The following SLC14A2 variants were observed in gnomAD, a reference collection of about 807,000 sequenced individuals.
SLC14A2 encodes the protein urea transporter 2.
SLC14A2 carries 91 observed loss-of-function variants against 104.6 expected under a neutral mutation model. That is an observed-to-expected ratio of 0.87 (90% CI 0.73 to 1.04). The LOEUF (loss-of-function observed/expected upper bound fraction) is 1.04. SLC14A2 is among the 50% of genes least tolerant of loss of function. The pLI, the probability that SLC14A2 is intolerant of heterozygous loss-of-function variation, is 0.00. For synonymous variants in SLC14A2, 476 were observed against 466.4 expected (o/e 1.02, Z -0.27); for missense variants, 1,189 against 1,156.0 (o/e 1.03, Z -0.41).
At chr18:45,529,285 C>G (rs1331486287) in intron 2 of SLC14A2, 1 of 152,278 alleles carries the variant, frequency 6.6e-6, no homozygotes, top group South Asian at 2.1e-4. Flanking sequence ...TTTTAAAAAG[C>G]AGACATCTCA....
At chr18:45,640,142 G>C (rs544265212) in intron 7 of SLC14A2, among the ~76,000 whole-genome samples, 16 of 152,224 alleles carry the variant, frequency 1.1e-4, no homozygotes, top group African/African-American at 3.4e-4. Context: ...TGGGTGTGGT[G>C]GTGGGCACCC....
In SLC14A2 at chr18:45,509,828, A is replaced by G. The variant is rs1309283338; in HGVS notation, c.-35+26506A>G. On this transcript the variant is annotated intron_variant, in intron 2 of 20. Coordinates refer to the SLC14A2 transcript ENST00000586448. Reference sequence around the variant, plus strand: ...CAGGGCCCCACACTGTGACTTCTCTATGGAATGCAGAGTTCTGTAGGTCAC... The same window carrying G: ...CAGGGCCCCACACTGTGACTTCTCTGTGGAATGCAGAGTTCTGTAGGTCAC... Among the ~76,000 whole-genome samples the G allele has an allele frequency of 2.0e-5, 3 of 152,194 alleles. No homozygotes were observed. The East Asian group carries it at 5.8e-4, about 29-fold the overall frequency.
intron 17 of SLC14A2, 92 bp downstream of exon 17, chr18:45,673,139 T>G: frequency 8.5e-7 from 1 of 1,175,014 alleles, no homozygotes; most frequent in Non-Finnish European, 1.2e-6. Context: ...ACACTCCACC[T>G]GCTGATTCCT....
intron 2 of SLC14A2, among the ~76,000 whole-genome samples, chr18:45,577,970 G>A (rs2044437898): frequency 6.6e-6 from 1 of 152,222 alleles, no homozygotes; most frequent in South Asian, 2.1e-4. Flanking sequence ...GGACATAGAG[G>A]CAGCTCACAA....
At chr18:45,324,723 A>G (rs2085217498) in intron 1 of SLC14A2, among the ~76,000 whole-genome samples, 1 of 151,376 alleles carries the variant, frequency 6.6e-6, no homozygotes, top group South Asian at 2.1e-4. Flanking sequence ...CCTGACCCTC[A>G]CCTCCATAAC....
intron 2 of SLC14A2, among the ~76,000 whole-genome samples, chr18:45,524,767 T>G (rs1003236465): frequency 1.3e-5 from 2 of 152,176 alleles, no homozygotes; most frequent in Non-Finnish European, 2.9e-5. Flanking sequence ...ATGCCTCACC[T>G]GCCTTATCTG....
At chr18:45,416,611 T>A (rs921399761) in intron 1 of SLC14A2, among the ~76,000 whole-genome samples, 1 of 152,144 alleles carries the variant, frequency 6.6e-6, no homozygotes, top group Non-Finnish European at 1.5e-5. Flanking sequence ...TGATCATTGT[T>A]GTTATTGTTA....
At chr18:45,397,496 A>G (rs1299814894) in intron 1 of SLC14A2, among the ~76,000 whole-genome samples, 1 of 152,116 alleles carries the variant, frequency 6.6e-6, no homozygotes, top group Admixed American at 6.5e-5. Flanking sequence ...TCCTTTGCCC[A>G]CTTTTTAATG....
At chr18:45,553,672 A>G (rs1483845324) in intron 2 of SLC14A2, among the ~76,000 whole-genome samples, 1 of 152,200 alleles carries the variant, frequency 6.6e-6, no homozygotes, top group Non-Finnish European at 1.5e-5. Flanking sequence ...AATATTATGT[A>G]TGTTTTAGCA....
chr18:45,424,156 C>T (rs1336284490), intron 1 of SLC14A2: 1 of 152,110 alleles, frequency 6.6e-6, no homozygotes, highest in African/African-American at 2.4e-5. Flanking sequence ...GATGGGATTT[C>T]CTGTAATAAA....
At chr18:45,465,905 GA>G (rs959354531) in intron 1 of SLC14A2, among the ~76,000 whole-genome samples, 95 of 144,942 alleles carry the variant, frequency 6.6e-4, no homozygotes, top group African/African-American at 1.9e-3. Flanking sequence ...CTGCTGGACA[GA>G]AAAAAAAAAA....
chr18:45,312,190 A>T (rs2085085584), intron 1 of SLC14A2, among the ~76,000 whole-genome samples: 1 of 152,198 alleles, frequency 6.6e-6, no homozygotes, highest in Non-Finnish European at 1.5e-5. Flanking sequence ...CTGGGTGATT[A>T]CACATACATA....
intron 1 of SLC14A2, among the ~76,000 whole-genome samples, chr18:45,246,700 G>T (rs180975592): frequency 6.6e-6 from 1 of 152,032 alleles, no homozygotes; most frequent in Non-Finnish European, 1.5e-5. Context: ...AGCCTCCCAA[G>T]TAGCTGGGAT....
At chr18:45,279,130 C>T (rs1042851274) in intron 1 of SLC14A2, among the ~76,000 whole-genome samples, 1 of 152,182 alleles carries the variant, frequency 6.6e-6, no homozygotes, top group Non-Finnish European at 1.5e-5. Flanking sequence ...TCCCCCTCAG[C>T]AGACAACTAC....
intron 1 of SLC14A2, among the ~76,000 whole-genome samples, chr18:45,451,693 A>C (rs1366650104): frequency 6.6e-6 from 1 of 152,126 alleles, no homozygotes; most frequent in Non-Finnish European, 1.5e-5. Flanking sequence ...CTGCAATTGC[A>C]CTCCAATAAA....
chr18:45,466,458 G>T (rs2087144732), intron 1 of SLC14A2, among the ~76,000 whole-genome samples: 1 of 151,384 alleles, frequency 6.6e-6, no homozygotes. Context: ...CAGCATGTGA[G>T]ATTCTTTCTG....
At chr18:45,395,448 G>C (rs1431346457) in intron 1 of SLC14A2, among the ~76,000 whole-genome samples, 1 of 152,268 alleles carries the variant, frequency 6.6e-6, no homozygotes, top group East Asian at 1.9e-4. Flanking sequence ...AGTCATGCAA[G>C]ATGAAAAAGT....
chr18:45,672,935 G>T lies in SLC14A2; in HGVS notation c.2265G>T (p.Val755=). The T allele has an allele frequency of 6.2e-7, 1 of 1,614,122 alleles. No individual in the cohort carries two copies. The highest frequency in any genetic ancestry group is 8.5e-7 in the Non-Finnish European group (1 of 1,179,976). ...CCATCCCCGTTGGAATTGGCCAAGTGTACGGCTGTGATAACCCCTGGACTG... is the reference window on the plus strand; with the variant it reads ...CCATCCCCGTTGGAATTGGCCAAGTTTACGGCTGTGATAACCCCTGGACTG... The part of the protein sequence containing the change: ...LRAIPVGIGQ[V]YGCDNPWTGG... The change falls in exon 17 of 20, where the codon GTG becomes GTT. Residue 755 remains valine, a synonymous_variant. Transcript: ENST00000255226.
At chr18:45,506,076 TCCAGCTTCAAGGCTGCAG>T (rs576944804) in intron 2 of SLC14A2, among the ~76,000 whole-genome samples, 2 of 152,300 alleles carry the variant, frequency 1.3e-5, no homozygotes, top group South Asian at 4.1e-4. Flanking sequence ...AGATTCTGCT[TCCAGCTTCAAGGCTGCAG>T]CCAGCTTTGA....
Sources: allele counts gnomAD v4.1 joint callset (sites outside exome capture counted in the v4.1 genomes callset), GRCh38; gene constraint gnomAD v4.1.1; transcripts MANE v1.5; gene names NCBI Gene and HGNC (gene_info 2026-07-23, HGNC 2026-07-21).